The following SCIN variants were observed in gnomAD, a reference collection of about 807,000 sequenced individuals.
SCIN encodes scinderin, also known as adseverin.
In SCIN, 91 loss-of-function variants were observed where a neutral mutation model predicts 91.8. The ratio of observed to expected loss-of-function variants is 0.99; its 90% CI spans 0.84 to 1.18. SCIN has a LOEUF of 1.18. SCIN is among the 50% of genes most tolerant of loss of function. The probability of loss-of-function intolerance (pLI) is 0.00; values close to 1 mark genes in which losing one functional copy is unlikely to be tolerated. For synonymous variants in SCIN, 367 were observed against 312.6 expected (o/e 1.17, Z -1.84); for missense variants, 1,087 against 863.9 (o/e 1.26, Z -3.24).
chr7:12,605,859 G>C (rs1783071844), intron 4 of SCIN, among the ~76,000 whole-genome samples: 1 of 152,152 alleles, frequency 6.6e-6, no homozygotes, highest in Non-Finnish European at 1.5e-5. Context: ...TTTTAGTGTA[G>C]TTCTTAAATT....
At chr7:12,640,176 A>T (rs1294306059) in intron 10 of SCIN, among the ~76,000 whole-genome samples, 171 bp from the exon 11 acceptor site, 2 of 152,240 alleles carry the variant, frequency 1.3e-5, no homozygotes, top group Non-Finnish European at 2.9e-5. Context: ...TCAACAGGGA[A>T]AATTAATTAT....
intron 4 of SCIN, among the ~76,000 whole-genome samples, chr7:12,613,880 A>G (rs1316781716): frequency 6.6e-6 from 1 of 152,172 alleles, no homozygotes; most frequent in Non-Finnish European, 1.5e-5. Flanking sequence ...ATAATCTACT[A>G]ATCATGAAAA....
chr7:12,596,941 A>G (rs1056569574), intron 3 of SCIN, among the ~76,000 whole-genome samples: 2 of 152,040 alleles, frequency 1.3e-5, no homozygotes, highest in Non-Finnish European at 2.9e-5. Flanking sequence ...TCTCTCTATC[A>G]CCACTGATCT....
chr7:12,614,844 C>A (rs1049600439), intron 4 of SCIN, among the ~76,000 whole-genome samples: 2 of 152,138 alleles, frequency 1.3e-5, no homozygotes, highest in Non-Finnish European at 2.9e-5. Flanking sequence ...AGCTCCATGG[C>A]CAAATAATGC....
intron 3 of SCIN, among the ~76,000 whole-genome samples, chr7:12,590,549 G>C (rs926408398): frequency 4.6e-5 from 7 of 151,922 alleles, no homozygotes; most frequent in African/African-American, 1.5e-4. Context: ...TTTGATTTTT[G>C]ACTATCCAGT....
Position 12,602,547 on chromosome 7 carries a change from C to A in SCIN, c.517-1967C>A, listed in dbSNP as rs185593036. ...GGGCATATTTCAGTCCTTATTTCAA[C>A]CGCATAAGACAGACACTCCCAGAGC... On this transcript the variant is annotated intron_variant, in intron 3 of 15. Transcript: ENST00000297029. Among the ~76,000 whole-genome samples the A allele has an allele frequency of 3.4e-3, 522 of 152,274 alleles. 2 individuals carry two copies. Among genetic ancestry groups the A allele is most frequent in the African/African-American group, 0.012 (504 of 41,556 alleles).
At chr7:12,577,632 G>A in intron 1 of SCIN, 1 of 455,836 alleles carries the variant, frequency 2.2e-6, no homozygotes, top group Non-Finnish European at 4.4e-6. Flanking sequence ...CCAGAGGACT[G>A]CTTGAGGCCA....
rs1784213178 is a variant in SCIN at position 12,658,885 on chromosome 7, G to A, written c.*6170G>A. 1 of 152,154 alleles carries A rather than the reference G, an allele frequency of 6.6e-6. No homozygotes were observed. The highest frequency in any genetic ancestry group is 2.1e-4 in the South Asian group (1 of 4,832). 9.4% of individuals were successfully genotyped at this position (152,154 alleles called of 1,614,324 possible). A position where few individuals can be genotyped will look rare whatever the true frequency, so the allele number is the denominator to read the frequency against. ...TTTTGAATGGCTATTGTATTTTTCA[G>A]CATACAAATTCAGAGGGGTGAAAGT... is the stretch of plus-strand genomic sequence containing the variant. On this transcript the variant is annotated 3_prime_UTR_variant, in exon 16 of 16. Transcript: ENST00000297029.
chr7:12,624,162 C>A lies in SCIN; in HGVS notation c.760-848C>A, dbSNP rs764433778. 3.3e-5 allele frequency among the ~76,000 whole-genome samples: 5 copies of A among 152,266 alleles called. No individual in the cohort carries two copies. In the South Asian group the frequency reaches 1.0e-3, roughly 32 times the overall value. On this transcript the variant is annotated intron_variant, in intron 5 of 15. Transcript: ENST00000297029. Reference sequence around the variant, plus strand: ...AAATAATTCGGGTTTCTTAACAAGGCTGGCAAGCAAAATCACCTGGGGCAT... The same window carrying A: ...AAATAATTCGGGTTTCTTAACAAGGATGGCAAGCAAAATCACCTGGGGCAT...
At chr7:12,625,875 G>GA (rs1783510562) in intron 7 of SCIN, 25 bp downstream of exon 7, 6 of 1,511,936 alleles carry the variant, frequency 4.0e-6, no homozygotes, top group Middle Eastern at 1.7e-4. Flanking sequence ...GAACTGGCTA[G>GA]AAAAAAATAG....
At position 12,654,045 on chromosome 7, in the gene SCIN, G is replaced by C. The variant is rs1784130411; in HGVS notation, c.*1330G>C. 2 of 152,018 alleles carry C rather than the reference G, an allele frequency of 1.3e-5. No individual in the cohort carries two copies. Among genetic ancestry groups the C allele is most frequent in the Admixed American group, 1.3e-4 (2 of 15,262 alleles). 9.4% of individuals were successfully genotyped at this position (152,018 alleles called of 1,614,324 possible). A position where few individuals can be genotyped will look rare whatever the true frequency, so the allele number is the denominator to read the frequency against. On this transcript the variant is annotated 3_prime_UTR_variant, in exon 16 of 16. Coordinates refer to ENST00000297029, the MANE Select transcript of SCIN (RefSeq NM_001112706.3). ...CATTGAAAAAGAAGAAGCTACGTTA[G>C]AACCCATGGAAAGAACTTTGCCTCA... is the stretch of plus-strand genomic sequence containing the variant.
chr7:12,617,097 G>A (rs2691817), intron 4 of SCIN, among the ~76,000 whole-genome samples: 39,963 of 151,962 alleles, frequency 0.26, 5,404 homozygotes, highest in South Asian at 0.37. Context: ...AAGAAGTCCA[G>A]TGGTAAAATC....
At position 12,625,010 on chromosome 7, in the gene SCIN, G is replaced by C. The variant is rs753093710; in HGVS notation, c.760G>C (p.Val254Leu). The C allele has an allele frequency of 1.3e-6, 2 of 1,553,742 alleles. No homozygotes were observed. The highest frequency in any genetic ancestry group is 1.7e-6 in the Non-Finnish European group (2 of 1,147,880). ...SNRKMAKLYM[V>L]SDASGSMRVT... is the part of the protein sequence containing the mutation. ...ATGGAGGTCATGGTTTTTATATTAG[G>C]TTTCAGATGCAAGTGGCTCCATGAG... is the stretch of plus-strand genomic sequence containing the variant. Residue 254 changes from valine to leucine, a missense_variant and splice_region_variant, in exon 6 of 16, where the codon GTT (valine) becomes CTT (leucine). By Grantham distance (32) the Val-to-Leu change is conservative. Coordinates refer to ENST00000297029, the MANE Select transcript of SCIN (RefSeq NM_001112706.3).
chr7:12,613,034 A>T (rs1174829634), intron 4 of SCIN, among the ~76,000 whole-genome samples: 5 of 152,174 alleles, frequency 3.3e-5, no homozygotes. Context: ...AAATAGGATA[A>T]TGCAGTTCCA....
At chr7:12,592,791 A>T (rs1031100329) in intron 3 of SCIN, among the ~76,000 whole-genome samples, 2 of 152,074 alleles carry the variant, frequency 1.3e-5, no homozygotes, top group African/African-American at 2.4e-5. Flanking sequence ...CACAACTGAG[A>T]CTTGAGAGGG....
At chr7:12,595,374 G>A (rs1004551265) in intron 3 of SCIN, among the ~76,000 whole-genome samples, 5 of 151,700 alleles carry the variant, frequency 3.3e-5, no homozygotes, top group South Asian at 2.1e-4. Flanking sequence ...CATGCTGCCC[G>A]TAGGGCTGTA....
intron 3 of SCIN, among the ~76,000 whole-genome samples, chr7:12,597,905 C>G (rs1405572113): frequency 6.6e-6 from 1 of 152,084 alleles, no homozygotes; most frequent in East Asian, 1.9e-4. Context: ...AGCTTTCTGC[C>G]AGAATTTAAG....
Position 12,655,756 on chromosome 7 carries a change from C to G in SCIN, c.*3041C>G, listed in dbSNP as rs1349641274. ...GCCAAACGTATGTACTAATCTAAAACCAAACACATTAGACTAGGTACATGT... is the reference window on the plus strand; with the variant it reads ...GCCAAACGTATGTACTAATCTAAAAGCAAACACATTAGACTAGGTACATGT... On this transcript the variant is annotated 3_prime_UTR_variant, in exon 16 of 16. Coordinates refer to ENST00000297029, the MANE Select transcript of SCIN (RefSeq NM_001112706.3). 1 of 152,084 alleles carries G rather than the reference C, an allele frequency of 6.6e-6. No individual in the cohort carries two copies. Among genetic ancestry groups the G allele is most frequent in the Non-Finnish European group, 1.5e-5 (1 of 68,026 alleles). 9.4% of individuals were successfully genotyped at this position (152,084 alleles called of 1,614,324 possible). A position where few individuals can be genotyped will look rare whatever the true frequency, so the allele number is the denominator to read the frequency against.
chr7:12,598,023 G>A (rs1487175553), intron 3 of SCIN, among the ~76,000 whole-genome samples: 1 of 152,140 alleles, frequency 6.6e-6, no homozygotes, highest in Non-Finnish European at 1.5e-5. Flanking sequence ...GTTGTTAAAT[G>A]CCTTAAGATC....
Sources: gnomAD v4.1 joint callset for allele counts (sites outside exome capture counted in the v4.1 genomes callset) on GRCh38, gnomAD v4.1.1 for gene constraint, MANE v1.5 for transcripts, NCBI Gene and HGNC (gene_info 2026-07-23, HGNC 2026-07-21) for gene names.